The following CFAP52 variants were observed in gnomAD, a reference collection of about 807,000 sequenced individuals.
CFAP52 encodes cilia- and flagella-associated protein 52.
CFAP52 carries 57 observed loss-of-function variants against 70.5 expected under a neutral mutation model. That is an observed-to-expected ratio of 0.81 (90% CI 0.65 to 1.01). CFAP52 has a LOEUF of 1.01. CFAP52 is among the 50% of genes least tolerant of loss of function. The probability of loss-of-function intolerance (pLI) is 0.00; values close to 1 mark genes in which losing one functional copy is unlikely to be tolerated. For missense variants in CFAP52, 785 were observed against 788.5 expected, an observed-to-expected ratio of 1.00 and a Z score of 0.05; for synonymous variants, 267 against 292.5, an observed-to-expected ratio of 0.91 and a Z score of 0.89.
intron 1 of CFAP52, among the ~76,000 whole-genome samples, chr17:9,577,304 AATG>A (rs112021263): frequency 1.1e-3 from 161 of 152,304 alleles, no homozygotes; most frequent in African/African-American, 3.7e-3. Flanking sequence ...AAGGTTTCTA[AATG>A]ATGAGGATTT....
At chr17:9,639,489 G>A (rs1159042833) in intron 12 of CFAP52, among the ~76,000 whole-genome samples, 1 of 151,908 alleles carries the variant, frequency 6.6e-6, no homozygotes, top group Non-Finnish European at 1.5e-5. Flanking sequence ...GGAAGGTGAA[G>A]GTTCATCCTT....
chr17:9,585,398 G>A (rs564876472), intron 1 of CFAP52, among the ~76,000 whole-genome samples: 3 of 152,132 alleles, frequency 2.0e-5, no homozygotes, highest in Non-Finnish European at 4.4e-5. Flanking sequence ...GCCGGGCGCG[G>A]TGGCTCACAC....
chr17:9,630,584 C>T (rs1218373215), intron 9 of CFAP52, among the ~76,000 whole-genome samples: 6 of 150,480 alleles, frequency 4.0e-5, no homozygotes, highest in Admixed American at 6.6e-5. Context: ...CGCCCGCTAC[C>T]ACGCCCGGCT....
intron 4 of CFAP52, among the ~76,000 whole-genome samples, chr17:9,596,059 G>GTGTGTGTATA (rs1555541607): frequency 1.2e-3 from 99 of 85,174 alleles, no homozygotes; most frequent in Non-Finnish European, 1.6e-3. Context: ...ATATGTGTGT[G>GTGTGTGTATA]TATATATATA....
intron 8 of CFAP52, among the ~76,000 whole-genome samples, chr17:9,626,497 T>C (rs752369966): frequency 5.9e-5 from 9 of 152,176 alleles, no homozygotes; most frequent in Non-Finnish European, 1.0e-4. Flanking sequence ...CCCAAAGCAC[T>C]GGGATTACAG....
chr17:9,595,734 C>T (rs1218332039), intron 4 of CFAP52, among the ~76,000 whole-genome samples: 4 of 151,664 alleles, frequency 2.6e-5, no homozygotes, highest in Admixed American at 2.0e-4. Flanking sequence ...AGTGATCATT[C>T]GTAAGTAAAA....
At chr17:9,631,016 A>AGAG (rs1567634774) in intron 9 of CFAP52, among the ~76,000 whole-genome samples, 3 of 51,142 alleles carry the variant, frequency 5.9e-5, no homozygotes, top group African/African-American at 4.0e-4. Flanking sequence ...GAAAGAAAGA[A>AGAG]AGAAAGAAAG....
intron 10 of CFAP52, 97 bp downstream of exon 10, chr17:9,633,130 A>G (rs1910628980): frequency 7.1e-7 from 1 of 1,416,088 alleles, no homozygotes. Context: ...CACCTTTGCT[A>G]GTATTCAAGC....
chr17:9,604,763 AAAT>A (rs1176404102), intron 6 of CFAP52, among the ~76,000 whole-genome samples: 2 of 145,844 alleles, frequency 1.4e-5, no homozygotes, highest in African/African-American at 5.0e-5. Flanking sequence ...ATAAATAAAT[AAAT>A]AAATAAATAA....
intron 1 of CFAP52, among the ~76,000 whole-genome samples, chr17:9,579,699 C>A (rs893827763): frequency 6.6e-6 from 1 of 152,154 alleles, no homozygotes; most frequent in Non-Finnish European, 1.5e-5. Flanking sequence ...TCCCAAGTAG[C>A]TGGGATTACA....
At chr17:9,605,015 A>C (rs1325877526) in intron 6 of CFAP52, among the ~76,000 whole-genome samples, 1 of 152,188 alleles carries the variant, frequency 6.6e-6, no homozygotes, top group East Asian at 1.9e-4. Flanking sequence ...TAGTACGGCC[A>C]CTTTGGAAGA....
chr17:9,611,301 T>C (rs1381523106), intron 7 of CFAP52, among the ~76,000 whole-genome samples: 1 of 152,076 alleles, frequency 6.6e-6, no homozygotes, highest in African/African-American at 2.4e-5. Context: ...ATCTGAAATG[T>C]AGAAGAGGAA....
At chr17:9,637,406 T>C (rs1382591008) in intron 11 of CFAP52, among the ~76,000 whole-genome samples, 4 of 152,192 alleles carry the variant, frequency 2.6e-5, no homozygotes, top group African/African-American at 4.8e-5. Context: ...TCAGCTCAGA[T>C]ACCACGTTTG....
At chr17:9,595,929 G>A (rs971886253) in intron 4 of CFAP52, among the ~76,000 whole-genome samples, 6 of 150,008 alleles carry the variant, frequency 4.0e-5, no homozygotes, top group African/African-American at 1.5e-4. Flanking sequence ...TTTAAAATAT[G>A]TCTGAGTACT....
intron 10 of CFAP52, among the ~76,000 whole-genome samples, chr17:9,634,810 T>C (rs1192753961): frequency 6.6e-6 from 1 of 152,204 alleles, no homozygotes; most frequent in Non-Finnish European, 1.5e-5. Flanking sequence ...CCCTTTTATC[T>C]ATCCTTTTTA....
chr17:9,642,439 C>T (rs1010291556), intron 13 of CFAP52, among the ~76,000 whole-genome samples: 2 of 152,096 alleles, frequency 1.3e-5, no homozygotes, highest in Non-Finnish European at 2.9e-5. Context: ...GCCTGGCCAA[C>T]ATGGTGAAAC....
rs1303133635 is a variant in CFAP52 at position 9,586,683 on chromosome 17, T to C, written c.271-15T>C. 4 of 1,599,642 alleles carry C rather than the reference T, an allele frequency of 2.5e-6. No individual in the cohort carries two copies. In the South Asian group the frequency reaches 4.6e-5, roughly 18 times the overall value. On this transcript the variant is annotated splice_polypyrimidine_tract_variant and intron_variant, in intron 2 of 13. Transcript: ENST00000352665. ...AATGCCTCCCTATGATCTGACGGTG[T>C]GTTCTTGCCCCCAGGCAGACATCAT...
At chr17:9,605,088 C>T (rs1386194724) in intron 6 of CFAP52, among the ~76,000 whole-genome samples, 2 of 152,280 alleles carry the variant, frequency 1.3e-5, no homozygotes, top group South Asian at 2.1e-4. Flanking sequence ...AGTTGCACTC[C>T]TTGCTATTTA....
chr17:9,605,560 G>C (rs1221177449), intron 6 of CFAP52, among the ~76,000 whole-genome samples: 1 of 151,912 alleles, frequency 6.6e-6, no homozygotes, highest in Non-Finnish European at 1.5e-5. Flanking sequence ...GCTGGGTGTG[G>C]TGGTACATGC....
Sources: gnomAD v4.1 joint callset for allele counts (sites outside exome capture counted in the v4.1 genomes callset) on GRCh38, gnomAD v4.1.1 for gene constraint, MANE v1.5 for transcripts, NCBI Gene and HGNC (gene_info 2026-07-23, HGNC 2026-07-21) for gene names.